WDR70: variants seen among roughly 807,000 people sequenced by gnomAD.
The protein encoded by WDR70 is WD repeat domain 70, also known as WD repeat-containing protein 70.
In WDR70, 53 loss-of-function variants were observed where a neutral mutation model predicts 88.6. The ratio of observed to expected loss-of-function variants is 0.60; its 90% CI spans 0.48 to 0.75. WDR70 has a LOEUF of 0.75. WDR70 is among the 30% of genes least tolerant of loss of function. WDR70 has a pLI of 0.00. For missense variants in WDR70, 610 were observed against 823.2 expected, an observed-to-expected ratio of 0.74 and a Z score of 3.17; for synonymous variants, 280 against 270.0, an observed-to-expected ratio of 1.04 and a Z score of -0.36.
intron 7 of WDR70, among the ~76,000 whole-genome samples, chr5:37,476,460 G>A (rs756349207): frequency 1.3e-5 from 2 of 152,148 alleles, no homozygotes; most frequent in Non-Finnish European, 2.9e-5. Context: ...ATCCACCTAT[G>A]GGAAAAGCCA....
intron 9 of WDR70, among the ~76,000 whole-genome samples, chr5:37,550,578 A>G (rs1581386046): frequency 6.6e-6 from 1 of 152,086 alleles, no homozygotes; most frequent in East Asian, 1.9e-4. Context: ...TTTGGTTTCC[A>G]TTGGCATGGA....
intron 9 of WDR70, among the ~76,000 whole-genome samples, chr5:37,534,555 A>G (rs1051432235): frequency 1.4e-5 from 2 of 143,942 alleles, no homozygotes; most frequent in Admixed American, 1.4e-4. Flanking sequence ...TGGAGTGCAG[A>G]GGCACAATTT....
intron 10 of WDR70, among the ~76,000 whole-genome samples, chr5:37,674,469 G>A (rs1297533276): frequency 1.3e-5 from 2 of 152,036 alleles, no homozygotes; most frequent in East Asian, 3.9e-4. Flanking sequence ...ACCTATGAGT[G>A]AGAACATGCG....
At position 37,493,556 on chromosome 5, in the gene WDR70, A is replaced by C. The variant is rs142715877; in HGVS notation, c.840+13569A>C. Among the ~76,000 whole-genome samples the C allele has an allele frequency of 8.8e-4, 134 of 152,284 alleles. 2 individuals carry two copies. The South Asian group carries it at 0.02, about 23-fold the overall frequency. ...TTTCCCAGAACCTCTAGAAAATAGT[A>C]CAGTTCTACTAACATCCTGATTTCA... On this transcript the variant is annotated intron_variant, in intron 8 of 17. Transcript: ENST00000265107.
chr5:37,582,573 C>A (rs2112428612), intron 9 of WDR70, among the ~76,000 whole-genome samples: 1 of 152,336 alleles, frequency 6.6e-6, no homozygotes, highest in South Asian at 2.1e-4. Flanking sequence ...CTACTACTAA[C>A]TGTGTCACCA....
intron 9 of WDR70, among the ~76,000 whole-genome samples, chr5:37,568,908 C>T (rs1421001289): frequency 6.6e-6 from 1 of 152,132 alleles, no homozygotes; most frequent in Non-Finnish European, 1.5e-5. Flanking sequence ...AAACTAAGCC[C>T]AAAGAGCTGT....
intron 10 of WDR70, among the ~76,000 whole-genome samples, chr5:37,627,079 T>C (rs913397646): frequency 1.3e-5 from 2 of 152,114 alleles, no homozygotes; most frequent in Admixed American, 1.3e-4. Context: ...ACTTTCTGTT[T>C]GATCTTTTGT....
chr5:37,557,650 G>C (rs573512236), intron 9 of WDR70, among the ~76,000 whole-genome samples: 37 of 152,112 alleles, frequency 2.4e-4, no homozygotes, highest in African/African-American at 8.9e-4. Context: ...TTAGTGGTAA[G>C]AGGAGTTAAA....
chr5:37,524,794 A>G (rs1581364913), intron 9 of WDR70, among the ~76,000 whole-genome samples: 1 of 152,338 alleles, frequency 6.6e-6, no homozygotes, highest in Non-Finnish European at 1.5e-5. Flanking sequence ...AAGATCTACC[A>G]AGTAAATGGA....
intron 4 of WDR70, among the ~76,000 whole-genome samples, chr5:37,394,121 A>G (rs912643146): frequency 3.3e-5 from 5 of 151,992 alleles, no homozygotes; most frequent in Non-Finnish European, 7.4e-5. Context: ...CCTGGCCAAC[A>G]TGATGAAACC....
intron 8 of WDR70, among the ~76,000 whole-genome samples, chr5:37,492,220 T>A (rs1162834400): frequency 6.6e-6 from 1 of 152,264 alleles, no homozygotes; most frequent in African/African-American, 2.4e-5. Context: ...TTCATTTGGA[T>A]ACATCTAATT....
At chr5:37,667,724 C>G (rs980524392) in intron 10 of WDR70, among the ~76,000 whole-genome samples, 5 of 151,588 alleles carry the variant, frequency 3.3e-5, no homozygotes, top group Non-Finnish European at 7.4e-5. Flanking sequence ...GTCCTCAAAG[C>G]CTAAAATATG....
intron 5 of WDR70, among the ~76,000 whole-genome samples, chr5:37,412,428 C>T (rs928650776): frequency 6.6e-6 from 1 of 151,854 alleles, no homozygotes; most frequent in African/African-American, 2.4e-5. Context: ...TTAACCATTT[C>T]TATTACTTGT....
chr5:37,669,665 G>A (rs1452179592), intron 10 of WDR70, among the ~76,000 whole-genome samples: 1 of 152,150 alleles, frequency 6.6e-6, no homozygotes, highest in African/African-American at 2.4e-5. Context: ...TTACTGGGGA[G>A]TACCTAGAAG....
At chr5:37,668,199 C>T (rs1165422134) in intron 10 of WDR70, among the ~76,000 whole-genome samples, 1 of 152,178 alleles carries the variant, frequency 6.6e-6, no homozygotes, top group African/African-American at 2.4e-5. Context: ...TGGAGACCTA[C>T]AGAATATCAT....
At chr5:37,643,678 T>C (rs1242781388) in intron 10 of WDR70, among the ~76,000 whole-genome samples, 1 of 152,016 alleles carries the variant, frequency 6.6e-6, no homozygotes, top group Non-Finnish European at 1.5e-5. Flanking sequence ...CAGTGTTTTA[T>C]AGTTTTCATT....
intron 5 of WDR70, among the ~76,000 whole-genome samples, chr5:37,411,580 T>C (rs1034381527): frequency 6.6e-6 from 1 of 152,054 alleles, no homozygotes; most frequent in African/African-American, 2.4e-5. Context: ...ACAAAAATTA[T>C]CCGGGTGTGT....
At chr5:37,390,497 G>A (rs980122041) in intron 3 of WDR70, among the ~76,000 whole-genome samples, 1 of 151,646 alleles carries the variant, frequency 6.6e-6, no homozygotes, top group Non-Finnish European at 1.5e-5. Context: ...CGGCCACTAC[G>A]CCTGGCTAAT....
chr5:37,729,978 CG>C (rs1289876759), intron 17 of WDR70, among the ~76,000 whole-genome samples: 1 of 152,038 alleles, frequency 6.6e-6, no homozygotes, highest in Non-Finnish European at 1.5e-5. Context: ...TGAGCAGATA[CG>C]TAAGTATCTT....
Sources: gnomAD v4.1 joint callset for allele counts (sites outside exome capture counted in the v4.1 genomes callset) on GRCh38, gnomAD v4.1.1 for gene constraint, MANE v1.5 for transcripts, NCBI Gene and HGNC (gene_info 2026-07-23, HGNC 2026-07-21) for gene names.